CCDC60: variants seen among roughly 807,000 people sequenced by gnomAD.
The protein encoded by CCDC60 is coiled-coil domain-containing protein 60.
CCDC60 carries 54 observed loss-of-function variants against 63.5 expected under a neutral mutation model. The observed-to-expected ratio is 0.85, with a 90% CI of 0.68 to 1.07. The LOEUF is 1.07. Among genes scored for constraint, CCDC60 ranks in the 50% least tolerant of loss-of-function variants. The pLI, the probability that CCDC60 is intolerant of heterozygous loss-of-function variation, is 0.00. For synonymous variants in CCDC60, 206 were observed against 238.8 expected, an observed-to-expected ratio of 0.86 and a Z score of 1.27; for missense variants, 651 against 684.3, an observed-to-expected ratio of 0.95 and a Z score of 0.54.
intron 1 of CCDC60, among the ~76,000 whole-genome samples, chr12:119,360,963 G>C (rs535263692): frequency 6.6e-4 from 101 of 152,220 alleles, no homozygotes; most frequent in African/African-American, 2.3e-3. Flanking sequence ...ACGAAACCCC[G>C]TCTCCACCAA....
At chr12:119,484,111 C>G (rs151248628) in intron 4 of CCDC60, among the ~76,000 whole-genome samples, 2 of 152,192 alleles carry the variant, frequency 1.3e-5, no homozygotes, top group Non-Finnish European at 2.9e-5. Context: ...ATTAAGAGCA[C>G]GAATTCAGAA....
chr12:119,490,153 G>T (rs911152883), intron 5 of CCDC60, among the ~76,000 whole-genome samples: 2 of 151,976 alleles, frequency 1.3e-5, no homozygotes, highest in Non-Finnish European at 2.9e-5. Flanking sequence ...CCATCCCCTA[G>T]ATCTCCTCCA....
chr12:119,422,017 C>T (rs1409769790), intron 1 of CCDC60, among the ~76,000 whole-genome samples: 1 of 152,220 alleles, frequency 6.6e-6, no homozygotes, highest in East Asian at 1.9e-4. Context: ...TAACCTGGTA[C>T]ATTACACGAC....
chr12:119,414,637 A>C (rs553251482), intron 1 of CCDC60, among the ~76,000 whole-genome samples: 6 of 152,026 alleles, frequency 3.9e-5, no homozygotes, highest in African/African-American at 1.4e-4. Flanking sequence ...CACAACCTCA[A>C]ACTCTCGAGC....
intron 1 of CCDC60, among the ~76,000 whole-genome samples, chr12:119,408,118 C>T (rs1956527524): frequency 6.6e-6 from 1 of 152,084 alleles, no homozygotes; most frequent in South Asian, 2.1e-4. Context: ...CAAAGAAGAG[C>T]TATTAATTTT....
chr12:119,398,046 G>GGC (rs1956306762), intron 1 of CCDC60, among the ~76,000 whole-genome samples: 1 of 73,150 alleles, frequency 1.4e-5, no homozygotes, highest in African/African-American at 5.6e-5. Context: ...GGGGCAGCGG[G>GGC]GGGGGAGGAA....
chr12:119,488,820 C>T lies in CCDC60; in HGVS notation c.511C>T (p.His171Tyr), dbSNP rs749160310. 23 of 1,614,170 alleles carry T rather than the reference C, an allele frequency of 1.4e-5. No individual in the cohort carries two copies. The highest frequency in any genetic ancestry group is 1.8e-5 in the Non-Finnish European group (21 of 1,180,022). Residue 171 changes from histidine (H) to tyrosine (Y), a missense_variant, in exon 5 of 14, where the codon CAC (histidine) becomes TAC (tyrosine). His to Tyr is a moderately conservative substitution (Grantham distance 83, BLOSUM62 2). Coordinates refer to ENST00000327554, the MANE Select transcript of CCDC60 (RefSeq NM_178499.5). ...HWLLEALTID[H>Y]THHTMKPVIT... ...GCTTCTGGAGGCCCTGACTATTGACCACACCCACCACACCATGAAGCCTGT... is the reference window on the plus strand; with the variant it reads ...GCTTCTGGAGGCCCTGACTATTGACTACACCCACCACACCATGAAGCCTGT...
At chr12:119,435,720 G>A (rs552691738) in intron 2 of CCDC60, among the ~76,000 whole-genome samples, 25 of 152,260 alleles carry the variant, frequency 1.6e-4, no homozygotes, top group South Asian at 4.2e-4. Context: ...TCATTGTATC[G>A]GTCAGCTGTT....
At chr12:119,356,465 A>G (rs948608392) in intron 1 of CCDC60, among the ~76,000 whole-genome samples, 4 of 152,150 alleles carry the variant, frequency 2.6e-5, no homozygotes, top group Non-Finnish European at 5.9e-5. Flanking sequence ...TTCTTTCTAG[A>G]GACTTTAGCA....
At chr12:119,425,904 T>C (rs1428333639) in intron 1 of CCDC60, among the ~76,000 whole-genome samples, 1 of 152,152 alleles carries the variant, frequency 6.6e-6, no homozygotes, top group African/African-American at 2.4e-5. Flanking sequence ...CTGGTAACCA[T>C]GAGCATCTCC....
intron 2 of CCDC60, among the ~76,000 whole-genome samples, chr12:119,449,067 T>C (rs923921768): frequency 1.3e-5 from 2 of 152,118 alleles, no homozygotes; most frequent in African/African-American, 4.8e-5. Flanking sequence ...AGGTATGGGG[T>C]GACTTTTTGG....
In CCDC60 at chr12:119,461,582, A is replaced by C. The variant is rs139560947; in HGVS notation, c.171-10412A>C. 9.1e-4 allele frequency among the ~76,000 whole-genome samples: 139 copies of C among 152,174 alleles called. 1 individual carries two copies. The highest frequency in any genetic ancestry group is 3.3e-3 in the African/African-American group (137 of 41,522). On this transcript the variant is annotated intron_variant, in intron 2 of 13. Transcript: ENST00000327554. Reference sequence around the variant, plus strand: ...ATACGTTCCTTAATAATAACAACCCACCCTCTCCCATGCACTGGTTGAGAA... The same window carrying C: ...ATACGTTCCTTAATAATAACAACCCCCCCTCTCCCATGCACTGGTTGAGAA...
At chr12:119,445,372 C>T (rs998234423) in intron 2 of CCDC60, among the ~76,000 whole-genome samples, 9 of 138,418 alleles carry the variant, frequency 6.5e-5, no homozygotes, top group East Asian at 2.2e-4. Flanking sequence ...ATGCAGAGGT[C>T]GCAGTGAGCC....
rs1348530619 is a variant in CCDC60 at position 119,360,407 on chromosome 12, C to T, written c.90+25141C>T. 1.3e-4 allele frequency among the ~76,000 whole-genome samples: 19 copies of T among 150,854 alleles called. 1 individual carries two copies. Among genetic ancestry groups the T allele is most frequent in the African/African-American group, 4.6e-4 (19 of 41,154 alleles). On this transcript the variant is annotated intron_variant, in intron 1 of 13. Coordinates refer to ENST00000327554, the MANE Select transcript of CCDC60 (RefSeq NM_178499.5). The stretch of plus-strand genomic sequence containing the variant: ...GCGGGGGGCTGACCCCCCCACCTCC[C>T]TCCCGGACAGGGTGGCTGCCGGGCG...
At chr12:119,531,382 T>C (rs982408428) in intron 13 of CCDC60, among the ~76,000 whole-genome samples, 1 of 152,176 alleles carries the variant, frequency 6.6e-6, no homozygotes, top group Non-Finnish European at 1.5e-5. Context: ...ACCTGGGTGC[T>C]TGTTAGAAAC....
chr12:119,456,066 A>G lies in CCDC60; in HGVS notation c.171-15928A>G, dbSNP rs1322746142. 2.1e-5 allele frequency among the ~76,000 whole-genome samples: 2 copies of G among 95,046 alleles called. No homozygotes were observed. The highest frequency in any genetic ancestry group is 4.3e-5 in the Non-Finnish European group (2 of 46,912). The allele number at this position is 95,046 out of a possible 152,430, so 62.4% of individuals were successfully genotyped here. ...AAGAAAGAAAGAAAGAAAGAAAGCA[A>G]GCAAGCATGTGCAATTTCAAGGGGG... is the stretch of plus-strand genomic sequence containing the variant. On this transcript the variant is annotated intron_variant, in intron 2 of 13. Coordinates refer to ENST00000327554, the MANE Select transcript of CCDC60 (RefSeq NM_178499.5). This position sits in a 1 kb window ranked among gnomAD's most constrained non-coding sequence, Gnocchi z 4.6.
chr12:119,506,847 T>G (rs1313315607), intron 7 of CCDC60, among the ~76,000 whole-genome samples: 1 of 151,856 alleles, frequency 6.6e-6, no homozygotes, highest in Non-Finnish European at 1.5e-5. Context: ...TGAGCTTGTA[T>G]AGTAAAAGGA....
intron 1 of CCDC60, among the ~76,000 whole-genome samples, chr12:119,364,708 T>G (rs1955823318): frequency 6.6e-6 from 1 of 152,150 alleles, no homozygotes; most frequent in Non-Finnish European, 1.5e-5. Flanking sequence ...CCCACACTGG[T>G]AACAGAGCAC....
intron 2 of CCDC60, among the ~76,000 whole-genome samples, chr12:119,459,093 A>G (rs1323101285): frequency 1.3e-5 from 2 of 152,192 alleles, no homozygotes; most frequent in Non-Finnish European, 2.9e-5. Flanking sequence ...ACTGATTGCT[A>G]GCATGTGGCA....
Sources: gnomAD v4.1 joint callset for allele counts (sites outside exome capture counted in the v4.1 genomes callset) on GRCh38, gnomAD v4.1.1 for gene constraint, Gnocchi (gnomAD v3.1) non-coding constraint, MANE v1.5 for transcripts, NCBI Gene and HGNC (gene_info 2026-07-23, HGNC 2026-07-21) for gene names.